The following CDH13 variants were observed in gnomAD, a reference collection of about 807,000 sequenced individuals.
CDH13 encodes cadherin-13.
Under a neutral mutation model 63.8 loss-of-function variants are expected in CDH13, and 24 were observed. The ratio of observed to expected loss-of-function variants is 0.38; its 90% confidence interval spans 0.27 to 0.53. The LOEUF (loss-of-function observed/expected upper bound fraction) is 0.53, where lower values mean the gene tolerates loss of function less well. Ranked by LOEUF, CDH13 falls within the 20% of genes least tolerant of loss-of-function variation. The probability of loss-of-function intolerance (pLI) is 0.85; values close to 1 mark genes in which losing one functional copy is unlikely to be tolerated. For missense variants in CDH13, 1,049 were observed against 903.1 expected (o/e 1.16, Z -2.07); for synonymous variants, 503 against 355.3 (o/e 1.42, Z -4.67).
intron 7 of CDH13, among the ~76,000 whole-genome samples, chr16:83,557,071 C>T (rs1381576300): frequency 3.9e-5 from 6 of 152,184 alleles, no homozygotes; most frequent in African/African-American, 7.2e-5. Flanking sequence ...CCCCATTGCT[C>T]CCATTACTTC....
At chr16:83,595,585 G>T (rs182789395) in intron 7 of CDH13, among the ~76,000 whole-genome samples, 13 of 152,262 alleles carry the variant, frequency 8.5e-5, no homozygotes, top group African/African-American at 2.2e-4. Flanking sequence ...CACCAAAGGG[G>T]CTTTGAGCTA....
chr16:83,544,432 T>C lies in CDH13; in HGVS notation c.960+57777T>C, dbSNP rs76691365. On this transcript the variant is annotated intron_variant, in intron 7 of 13. Coordinates refer to ENST00000567109, the MANE Select transcript of CDH13 (RefSeq NM_001257.5). ...TTGAAAATTATCATTAAGTCAAAAATGTATTTAATACACATAACCTGCTAA... is the reference window on the plus strand; with the variant it reads ...TTGAAAATTATCATTAAGTCAAAAACGTATTTAATACACATAACCTGCTAA... Among the ~76,000 whole-genome samples the C allele has an allele frequency of 1.1e-4, 16 of 152,230 alleles. No individual in the cohort carries two copies. In the East Asian group the frequency reaches 2.7e-3, roughly 26 times the overall value.
intron 5 of CDH13, among the ~76,000 whole-genome samples, chr16:83,299,908 G>T (rs945489540): frequency 2.0e-5 from 3 of 152,192 alleles, no homozygotes; most frequent in African/African-American, 4.8e-5. Context: ...TCACGATGCT[G>T]ACCAGGGCTA....
At chr16:82,749,535 T>A (rs147687498) in intron 1 of CDH13, among the ~76,000 whole-genome samples, 6 of 152,272 alleles carry the variant, frequency 3.9e-5, no homozygotes, top group Non-Finnish European at 8.8e-5. Flanking sequence ...GTGCTACAGA[T>A]ACAAAAACTC....
chr16:83,251,377 G>C (rs1377325431), intron 5 of CDH13, among the ~76,000 whole-genome samples: 1 of 152,124 alleles, frequency 6.6e-6, no homozygotes, highest in African/African-American at 2.4e-5. Context: ...GTGAGTTCTA[G>C]CATTGCCCCA....
At chr16:82,986,816 A>G (rs1432813398) in intron 2 of CDH13, among the ~76,000 whole-genome samples, 4 of 152,224 alleles carry the variant, frequency 2.6e-5, no homozygotes, top group African/African-American at 2.4e-5. Flanking sequence ...AATTGAGACC[A>G]TATCTCATTC....
chr16:83,673,662 A>G (rs117324043), intron 9 of CDH13, among the ~76,000 whole-genome samples: 3,325 of 152,328 alleles, frequency 0.022, 59 homozygotes, highest in South Asian at 0.05. Context: ...CTGGTCCACA[A>G]TGCAGTGGCT....
chr16:83,172,640 C>T (rs2037970376), intron 4 of CDH13, among the ~76,000 whole-genome samples: 1 of 152,096 alleles, frequency 6.6e-6, no homozygotes, highest in Non-Finnish European at 1.5e-5. Context: ...GATTCCTCCT[C>T]ACAGACCTCA....
At chr16:82,805,071 G>A (rs2037076302) in intron 1 of CDH13, among the ~76,000 whole-genome samples, 1 of 152,108 alleles carries the variant, frequency 6.6e-6, no homozygotes, top group African/African-American at 2.4e-5. Flanking sequence ...TAAGTATCCC[G>A]GGTTTGTTAA....
intron 1 of CDH13, among the ~76,000 whole-genome samples, chr16:82,774,322 AT>A (rs5818404): frequency 0.11 from 16,680 of 147,498 alleles, 967 homozygotes; most frequent in African/African-American, 0.17. Context: ...ACTTCAGTTC[AT>A]TTTTTTTTTT....
intron 2 of CDH13, among the ~76,000 whole-genome samples, chr16:83,022,528 G>A (rs975035594): frequency 2.0e-5 from 3 of 152,044 alleles, no homozygotes; most frequent in Admixed American, 6.6e-5. Flanking sequence ...CACAGAAATC[G>A]GCAGATGCTA....
chr16:83,463,387 T>G (rs980404799), intron 6 of CDH13, among the ~76,000 whole-genome samples: 8 of 152,216 alleles, frequency 5.3e-5, no homozygotes, highest in Non-Finnish European at 8.8e-5. Context: ...CTCGGCTCCA[T>G]GTCACCCTCT....
Position 83,213,647 on chromosome 16 carries a change from A to G in CDH13, c.484-3698A>G, listed in dbSNP as rs547991562. On this transcript the variant is annotated intron_variant, in intron 4 of 13. Coordinates refer to ENST00000567109, the MANE Select transcript of CDH13 (RefSeq NM_001257.5). ...TTCGTTGCTCGTCAGAATGCATTGT[A>G]TGTTAATAGAATCTTCAAAAAGGAC... 5.3e-5 allele frequency among the ~76,000 whole-genome samples: 8 copies of G among 152,312 alleles called. No individual in the cohort carries two copies. The South Asian group carries it at 8.3e-4, about 16-fold the overall frequency.
chr16:83,353,161 A>G (rs1400492888), intron 6 of CDH13, among the ~76,000 whole-genome samples: 1 of 152,242 alleles, frequency 6.6e-6, no homozygotes, highest in African/African-American at 2.4e-5. Context: ...AAAAGCCAAG[A>G]CGTCAGCACT....
chr16:82,684,202 G>C (rs1458395761), intron 1 of CDH13, among the ~76,000 whole-genome samples: 1 of 152,242 alleles, frequency 6.6e-6, no homozygotes, highest in African/African-American at 2.4e-5. Context: ...TGGATTTCAG[G>C]AATTTGAGGC....
chr16:83,039,117 C>T (rs562011229), intron 3 of CDH13, among the ~76,000 whole-genome samples: 72 of 152,190 alleles, frequency 4.7e-4, no homozygotes, highest in Non-Finnish European at 9.7e-4. Flanking sequence ...GGCCCAGGTT[C>T]CCACGGAGAG....
chr16:83,406,261 G>A (rs2092043006), intron 6 of CDH13, among the ~76,000 whole-genome samples: 1 of 152,166 alleles, frequency 6.6e-6, no homozygotes, highest in Non-Finnish European at 1.5e-5. Context: ...ACAGCTGTAA[G>A]AAATAGTTTT....
chr16:83,728,365 T>TGTGTGTGTTGC (rs1227824222), intron 10 of CDH13, among the ~76,000 whole-genome samples: 1 of 49,024 alleles, frequency 2.0e-5, no homozygotes, highest in Admixed American at 2.0e-4. Flanking sequence ...GTGTGTGTTG[T>TGTGTGTGTTGC]GAAGATACAT....
At chr16:83,584,059 G>A (rs964342761) in intron 7 of CDH13, among the ~76,000 whole-genome samples, 5 of 152,182 alleles carry the variant, frequency 3.3e-5, no homozygotes, top group Non-Finnish European at 5.9e-5. Flanking sequence ...GCTGGGCGCG[G>A]TGGCTCACGC....
Sources: gnomAD v4.1 joint callset for allele counts (sites outside exome capture counted in the v4.1 genomes callset) on GRCh38, gnomAD v4.1.1 for gene constraint, MANE v1.5 for transcripts, NCBI Gene and HGNC (gene_info 2026-07-23, HGNC 2026-07-21) for gene names.